The following PDGFD variants were observed in gnomAD, a reference collection of about 807,000 sequenced individuals.
PDGFD encodes platelet-derived growth factor D.
Under a neutral mutation model 44.7 loss-of-function variants are expected in PDGFD, and 30 were observed. The observed-to-expected ratio is 0.67, with a 90% CI of 0.50 to 0.91. The LOEUF is 0.91. Ranked by LOEUF, PDGFD falls within the 40% of genes least tolerant of loss-of-function variation. PDGFD has a pLI of 0.00. For synonymous variants in PDGFD, 173 were observed against 168.4 expected (o/e 1.03, Z -0.21); for missense variants, 445 against 457.8 (o/e 0.97, Z 0.25).
intron 3 of PDGFD, among the ~76,000 whole-genome samples, chr11:103,975,053 C>T (rs1432873912): frequency 6.6e-6 from 1 of 152,144 alleles, no homozygotes; most frequent in Non-Finnish European, 1.5e-5. Context: ...TGGTTCTAGA[C>T]CCTTGAGGAA....
chr11:104,159,476 T>C (rs1280949049), intron 1 of PDGFD, among the ~76,000 whole-genome samples: 2 of 152,184 alleles, frequency 1.3e-5, no homozygotes, highest in Non-Finnish European at 2.9e-5. Context: ...ACATAGAAAG[T>C]TCAAGAGTAA....
Position 104,137,728 on chromosome 11 carries a change from CTTT to C in PDGFD, c.124+26073_124+26075del, listed in dbSNP as rs5794295. 1.3e-3 allele frequency among the ~76,000 whole-genome samples: 98 copies of C among 76,610 alleles called. 1 individual carries two copies. The highest frequency in any genetic ancestry group is 0.02 in the Middle Eastern group (2 of 102). 50.3% of individuals were successfully genotyped at this position (76,610 alleles called of 152,430 possible). ...TATTCTATAGTGATATAGATCACCA[CTTT>C]TTTTTTTTTTTTTTTTTTTTTTTAC... On this transcript the variant is annotated intron_variant, in intron 1 of 6. Transcript: ENST00000393158.
At chr11:103,934,268 C>T (rs1223931704) in intron 5 of PDGFD, among the ~76,000 whole-genome samples, 1 of 152,188 alleles carries the variant, frequency 6.6e-6, no homozygotes, top group Non-Finnish European at 1.5e-5. Flanking sequence ...AATCCTACCT[C>T]TCAGTAGGTA....
intron 1 of PDGFD, among the ~76,000 whole-genome samples, chr11:104,043,170 A>T (rs1374544638): frequency 1.3e-5 from 2 of 152,186 alleles, no homozygotes; most frequent in Admixed American, 6.5e-5. Context: ...TATGGAGTAG[A>T]GGGAATGGTT....
intron 1 of PDGFD, among the ~76,000 whole-genome samples, chr11:104,008,558 A>G (rs1353089491): frequency 1.3e-5 from 2 of 152,172 alleles, no homozygotes; most frequent in African/African-American, 4.8e-5. Context: ...AACATTACGA[A>G]GGAATTAAAA....
intron 1 of PDGFD, among the ~76,000 whole-genome samples, chr11:104,100,139 A>G (rs1460873197): frequency 6.6e-6 from 1 of 152,150 alleles, no homozygotes; most frequent in Non-Finnish European, 1.5e-5. Context: ...AATCCTCAGG[A>G]GCACTGTCCC....
rs1415645845 is a variant in PDGFD at position 104,105,562 on chromosome 11, C to T, written c.124+58242G>A. On this transcript the variant is annotated intron_variant, in intron 1 of 6. Coordinates refer to ENST00000393158, the MANE Select transcript of PDGFD (RefSeq NM_025208.5). The stretch of plus-strand genomic sequence containing the variant: ...ATATTTGTATCTCCAATTATTTAAA[C>T]CACCTGGTTGTATATGCTTTCATAT... Among the ~76,000 whole-genome samples the T allele has an allele frequency of 2.6e-5, 4 of 151,950 alleles. No homozygotes were observed. In the East Asian group the frequency reaches 5.8e-4, roughly 22 times the overall value.
chr11:103,975,831 T>C (rs1426426483), intron 3 of PDGFD, among the ~76,000 whole-genome samples: 4 of 152,172 alleles, frequency 2.6e-5, no homozygotes, highest in African/African-American at 9.7e-5. Context: ...TTCTGGGGCC[T>C]CTGTTCTGTT....
At position 104,034,917 on chromosome 11, in the gene PDGFD, C is replaced by G. The variant is rs575165462; in HGVS notation, c.125-34662G>C. Among the ~76,000 whole-genome samples the G allele has an allele frequency of 1.4e-4, 22 of 152,288 alleles. No individual in the cohort carries two copies. The South Asian group carries it at 2.5e-3, about 17-fold the overall frequency. The stretch of plus-strand genomic sequence containing the variant: ...CTGGCCTCCCAAACTGCTGGGATTA[C>G]AGGCATGAGCCACCGCGCCAGGCAG... On this transcript the variant is annotated intron_variant, in intron 1 of 6. Transcript: ENST00000393158.
In PDGFD at chr11:104,164,010, T is replaced by TCTCGC. The variant is rs558624559; in HGVS notation, c.-88_-84dup. ...GGACCGACGCCGCGCCGCCCTGCGC[T>TCTCGC]CTCGCCGCCTGCGCTCGCCCTGCGC... is the stretch of plus-strand genomic sequence containing the variant. On this transcript the variant is annotated 5_prime_UTR_variant, in exon 1 of 7. Transcript: ENST00000393158. The TCTCGC allele has an allele frequency of 5.6e-4, 793 of 1,404,934 alleles. No individual in the cohort carries two copies. The African/African-American group carries it at 0.011, about 19-fold the overall frequency. 87.0% of individuals were successfully genotyped at this position (1,404,934 alleles called of 1,614,324 possible).
rs1565302883 is a variant in PDGFD at position 103,985,094 on chromosome 11, T to TATATTAATTTATTTAATATATA, written c.510+10970_510+10971insTATATATTAAATAAATTAATAT. Among the ~76,000 whole-genome samples the TATATTAATTTATTTAATATATA allele has an allele frequency of 4.2e-3, 193 of 45,420 alleles. 23 individuals carry two copies. The highest frequency in any genetic ancestry group is 0.013 in the African/African-American group (167 of 12,862). The allele number at this position is 45,420 out of a possible 152,430, so 29.8% of individuals were successfully genotyped here. The stretch of plus-strand genomic sequence containing the variant: ...TAATAGTTATATTTATTTAATATAT[T>TATATTAATTTATTTAATATATA]ATATATTAATTTATTTAATATATAA... On this transcript the variant is annotated intron_variant, in intron 3 of 6. Transcript: ENST00000393158.
chr11:104,163,713 A>G, intron 1 of PDGFD, 91 bp downstream of exon 1: 1 of 1,397,468 alleles, frequency 7.2e-7, no homozygotes, highest in Non-Finnish European at 9.5e-7. Context: ...CACATTCAAG[A>G]TTCAAAAAGA....
rs1175493616 is a variant in PDGFD at position 104,069,899 on chromosome 11, C to T, written c.125-69644G>A. On this transcript the variant is annotated intron_variant, in intron 1 of 6. Coordinates refer to ENST00000393158, the MANE Select transcript of PDGFD (RefSeq NM_025208.5). Reference sequence around the variant, plus strand: ...TTATGCTTTTATAATTCCATCATTCCGTCTACATTTATCAGATGGCTTTCT... The same window carrying T: ...TTATGCTTTTATAATTCCATCATTCTGTCTACATTTATCAGATGGCTTTCT... Among the ~76,000 whole-genome samples the T allele has an allele frequency of 7.2e-5, 11 of 152,132 alleles. No homozygotes were observed. The East Asian group carries it at 1.4e-3, about 19-fold the overall frequency.
chr11:103,921,382 C>T (rs912459104), intron 6 of PDGFD, among the ~76,000 whole-genome samples: 1 of 151,836 alleles, frequency 6.6e-6, no homozygotes, highest in African/African-American at 2.4e-5. Flanking sequence ...AATTTAGGTA[C>T]TTTTTTTTCA....
intron 5 of PDGFD, among the ~76,000 whole-genome samples, chr11:103,938,908 G>C (rs1043120909): frequency 6.6e-6 from 1 of 152,100 alleles, no homozygotes; most frequent in East Asian, 1.9e-4. Flanking sequence ...TGTTCCATTG[G>C]TTGATATCTC....
chr11:103,956,086 AGTTTTAAG>A (rs1160487498), intron 3 of PDGFD, among the ~76,000 whole-genome samples: 1 of 142,364 alleles, frequency 7.0e-6, no homozygotes, highest in Non-Finnish European at 1.5e-5. Flanking sequence ...TTTTTTTTTA[AGTTTTAAG>A]GTACATGTGG....
chr11:103,955,390 T>C (rs1235237528), intron 3 of PDGFD, among the ~76,000 whole-genome samples: 1 of 152,048 alleles, frequency 6.6e-6, no homozygotes, highest in Non-Finnish European at 1.5e-5. Context: ...GATGCTTCAG[T>C]ACCTGATTTT....
intron 5 of PDGFD, among the ~76,000 whole-genome samples, chr11:103,927,484 ACTG>A (rs1363758854): frequency 6.6e-6 from 1 of 152,202 alleles, no homozygotes; most frequent in Non-Finnish European, 1.5e-5. Context: ...GACAAAATAA[ACTG>A]CTTCTTCATT....
intron 1 of PDGFD, among the ~76,000 whole-genome samples, chr11:104,020,620 A>T (rs545595459): frequency 2.0e-5 from 3 of 152,274 alleles, no homozygotes; most frequent in African/African-American, 7.2e-5. Flanking sequence ...TATTTAAGGC[A>T]ATGACTATAT....
Sources: allele counts gnomAD v4.1 joint callset (sites outside exome capture counted in the v4.1 genomes callset), GRCh38; gene constraint gnomAD v4.1.1; transcripts MANE v1.5; gene names NCBI Gene and HGNC (gene_info 2026-07-23, HGNC 2026-07-21).